DPYD: variants seen among roughly 807,000 people sequenced by gnomAD.
DPYD encodes dihydropyrimidine dehydrogenase [NADP(+)].
In DPYD, 109 loss-of-function variants were observed where a neutral mutation model predicts 116.2. That is an observed-to-expected ratio of 0.94 (90% CI 0.80 to 1.10). DPYD has a LOEUF of 1.10. Ranked by LOEUF, DPYD falls within the 50% of genes least tolerant of loss-of-function variation. The probability of loss-of-function intolerance (pLI) is 0.00; values close to 1 mark genes in which losing one functional copy is unlikely to be tolerated. For synonymous variants in DPYD, 440 were observed against 432.0 expected, an observed-to-expected ratio of 1.02 and a Z score of -0.23; for missense variants, 1,302 against 1,254.5, an observed-to-expected ratio of 1.04 and a Z score of -0.57.
chr1:97,642,737 G>T (rs1295829332), intron 8 of DPYD, among the ~76,000 whole-genome samples: 1 of 103,222 alleles, frequency 9.7e-6, no homozygotes, highest in Non-Finnish European at 1.8e-5. Context: ...GTTGTGGGGT[G>T]GGGGGAGGGG....
intron 12 of DPYD, among the ~76,000 whole-genome samples, chr1:97,540,392 C>T (rs1251041071): frequency 6.8e-6 from 1 of 147,930 alleles, no homozygotes; most frequent in African/African-American, 2.6e-5. Flanking sequence ...CAAAACAAAA[C>T]AAAAACCAAA....
intron 14 of DPYD, among the ~76,000 whole-genome samples, chr1:97,414,680 A>G (rs1296089522): frequency 6.6e-6 from 1 of 152,220 alleles, no homozygotes; most frequent in East Asian, 1.9e-4. Context: ...TATTTGTAGA[A>G]GAGATTGTAT....
chr1:97,796,269 A>G, intron 3 of DPYD, among the ~76,000 whole-genome samples: 1 of 152,094 alleles, frequency 6.6e-6, no homozygotes, highest in East Asian at 1.9e-4. Context: ...TAAAAAGCTA[A>G]GTTGTTTTCC....
At chr1:97,530,599 T>C (rs963702646) in intron 12 of DPYD, among the ~76,000 whole-genome samples, 8 of 152,370 alleles carry the variant, frequency 5.3e-5, no homozygotes, top group African/African-American at 1.9e-4. Flanking sequence ...TGGGTGCAGA[T>C]ATCTCTTTGA....
chr1:97,500,741 G>A (rs543243432), intron 13 of DPYD, among the ~76,000 whole-genome samples: 1 of 152,106 alleles, frequency 6.6e-6, no homozygotes, highest in African/African-American at 2.4e-5. Context: ...ATTGCTCACT[G>A]CAGAATAGCT....
intron 2 of DPYD, among the ~76,000 whole-genome samples, chr1:97,852,462 C>T (rs1383171971): frequency 6.6e-6 from 1 of 152,064 alleles, no homozygotes; most frequent in Non-Finnish European, 1.5e-5. Context: ...ATTCAGTTTT[C>T]CCATCTTTAA....
At chr1:97,627,442 A>G (rs534055469) in intron 8 of DPYD, among the ~76,000 whole-genome samples, 1 of 152,200 alleles carries the variant, frequency 6.6e-6, no homozygotes, top group Non-Finnish European at 1.5e-5. Flanking sequence ...GTGCACTGAG[A>G]GCACGAGGAA....
At chr1:97,298,358 T>C (rs1307807069) in intron 18 of DPYD, among the ~76,000 whole-genome samples, 2 of 152,196 alleles carry the variant, frequency 1.3e-5, no homozygotes, top group East Asian at 3.9e-4. Flanking sequence ...GCCTTCCAGT[T>C]TCTGATGCAT....
At chr1:97,081,979 G>T (rs1360282618) in intron 22 of DPYD, among the ~76,000 whole-genome samples, 2 of 151,940 alleles carry the variant, frequency 1.3e-5, no homozygotes, top group Non-Finnish European at 2.9e-5. Context: ...GGCCATAAAT[G>T]GTAGTTCTGT....
rs545902979 is a variant in DPYD, at chr1:97,676,205, A to G, written c.850+2890T>C. 2.0e-5 allele frequency among the ~76,000 whole-genome samples: 3 copies of G among 152,168 alleles called. No homozygotes were observed. The South Asian group carries it at 6.2e-4, about 32-fold the overall frequency. The stretch of plus-strand genomic sequence containing the variant: ...AGACTTTCATTTCTATCCTCTCTCA[A>G]TATCTGTCATCCCCTTTCCCTATGA... On this transcript the variant is annotated intron_variant, in intron 8 of 22. Coordinates refer to ENST00000370192, the MANE Select transcript of DPYD (RefSeq NM_000110.4).
At chr1:97,497,996 T>C (rs1431322482) in intron 13 of DPYD, among the ~76,000 whole-genome samples, 2 of 151,828 alleles carry the variant, frequency 1.3e-5, no homozygotes, top group Non-Finnish European at 3.0e-5. Context: ...AAGCATTACA[T>C]TGATAAATGC....
intron 7 of DPYD, among the ~76,000 whole-genome samples, chr1:97,686,077 A>G (rs1016194186): frequency 1.4e-4 from 21 of 152,324 alleles, no homozygotes; most frequent in Non-Finnish European, 2.5e-4. Flanking sequence ...CCGACTTCAA[A>G]CTATACTATA....
chr1:97,387,690 G>C (rs1265554292), intron 14 of DPYD, among the ~76,000 whole-genome samples: 2 of 152,078 alleles, frequency 1.3e-5, no homozygotes, highest in African/African-American at 4.8e-5. Flanking sequence ...ATAAAATGTG[G>C]AAGTGAGTAA....
At chr1:97,476,535 A>G (rs974146992) in intron 13 of DPYD, among the ~76,000 whole-genome samples, 1 of 152,188 alleles carries the variant, frequency 6.6e-6, no homozygotes, top group Non-Finnish European at 1.5e-5. Flanking sequence ...GTAGCAGCAT[A>G]AAGAAATAAG....
chr1:97,631,735 A>T (rs576598623), intron 8 of DPYD, among the ~76,000 whole-genome samples: 7 of 152,116 alleles, frequency 4.6e-5, no homozygotes, highest in African/African-American at 1.7e-4. Context: ...CATATTTAGG[A>T]ATTTGAACAA....
chr1:97,446,562 G>A (rs539971184), intron 14 of DPYD, among the ~76,000 whole-genome samples: 2 of 152,066 alleles, frequency 1.3e-5, no homozygotes, highest in African/African-American at 2.4e-5. Flanking sequence ...CATATCAATT[G>A]TTCTTCCTTA....
chr1:97,184,440 G>C (rs1314373240), intron 20 of DPYD, among the ~76,000 whole-genome samples: 2 of 151,906 alleles, frequency 1.3e-5, no homozygotes. Context: ...TATTTTTTGA[G>C]TTTTTATTAA....
At chr1:97,635,310 G>C (rs1047063084) in intron 8 of DPYD, among the ~76,000 whole-genome samples, 2 of 152,064 alleles carry the variant, frequency 1.3e-5, no homozygotes, top group African/African-American at 4.8e-5. Context: ...CCTGTTTCCA[G>C]GGCCTTTGTG....
intron 19 of DPYD, among the ~76,000 whole-genome samples, chr1:97,228,443 G>C (rs547179159): frequency 6.6e-6 from 1 of 152,078 alleles, no homozygotes; most frequent in East Asian, 1.9e-4. Context: ...CTTTATTTTA[G>C]CAGTGAACTC....
Sources: gnomAD v4.1 joint callset for allele counts (sites outside exome capture counted in the v4.1 genomes callset) on GRCh38, gnomAD v4.1.1 for gene constraint, MANE v1.5 for transcripts, NCBI Gene and HGNC (gene_info 2026-07-23, HGNC 2026-07-21) for gene names.